LYPD6: variants seen among roughly 807,000 people sequenced by gnomAD.
LYPD6 encodes ly6/PLAUR domain-containing protein 6.
A neutral mutation model predicts 22.7 loss-of-function variants in LYPD6; 15 were observed. The ratio of observed to expected loss-of-function variants is 0.66; its 90% CI spans 0.44 to 1.02. The LOEUF (loss-of-function observed/expected upper bound fraction) is 1.02, where lower values mean the gene tolerates loss of function less well. LYPD6 is among the 50% of genes least tolerant of loss of function. The pLI is 0.00. For synonymous variants in LYPD6, 72 were observed against 77.5 expected, an observed-to-expected ratio of 0.93 and a Z score of 0.37; for missense variants, 189 against 208.4, an observed-to-expected ratio of 0.91 and a Z score of 0.57.
intron 1 of LYPD6, among the ~76,000 whole-genome samples, chr2:149,398,411 C>T (rs1682473036): frequency 1.1e-5 from 1 of 90,300 alleles, no homozygotes; most frequent in Admixed American, 1.2e-4. Context: ...GCAAAGATGG[C>T]TTTGTGTGTG....
chr2:149,455,601 C>A (rs544780575), intron 3 of LYPD6, among the ~76,000 whole-genome samples: 15 of 152,232 alleles, frequency 9.9e-5, no homozygotes, highest in Middle Eastern at 3.4e-3. Flanking sequence ...CCATACAAGA[C>A]TTTTTTTCGT....
intron 4 of LYPD6, 28 bp downstream of exon 4, chr2:149,468,803 AC>A (rs778568760): frequency 6.2e-6 from 10 of 1,610,744 alleles, no homozygotes; most frequent in Non-Finnish European, 8.5e-6. Context: ...AGTGACCAGT[AC>A]TACATAGCCA....
At chr2:149,437,930 CG>C in intron 2 of LYPD6, 104 bp downstream of exon 2, 1 of 1,207,130 alleles carries the variant, frequency 8.3e-7, no homozygotes, top group East Asian at 2.4e-5. Flanking sequence ...GAAAACCTCC[CG>C]TGATTTAACT....
chr2:149,357,461 C>T (rs1362048580), intron 1 of LYPD6, among the ~76,000 whole-genome samples: 1 of 152,176 alleles, frequency 6.6e-6, no homozygotes, highest in African/African-American at 2.4e-5. Flanking sequence ...CAGTAATGAT[C>T]ATATTCCCTG....
intron 3 of LYPD6, among the ~76,000 whole-genome samples, chr2:149,461,094 A>C (rs1253821889): frequency 6.6e-6 from 1 of 152,042 alleles, no homozygotes; most frequent in Non-Finnish European, 1.5e-5. Flanking sequence ...CCAAAAGTCA[A>C]ACAAAGCAAG....
chr2:149,399,281 T>C (rs1682499556), intron 1 of LYPD6, among the ~76,000 whole-genome samples: 1 of 152,218 alleles, frequency 6.6e-6, no homozygotes, highest in Non-Finnish European at 1.5e-5. Context: ...CAAAAATATT[T>C]TCATATAATA....
At chr2:149,369,846 C>A (rs1030114773) in intron 1 of LYPD6, among the ~76,000 whole-genome samples, 1 of 151,722 alleles carries the variant, frequency 6.6e-6, no homozygotes, top group Non-Finnish European at 1.5e-5. Flanking sequence ...TTCATTTAGA[C>A]GGGTAAGGCA....
intron 1 of LYPD6, among the ~76,000 whole-genome samples, chr2:149,331,258 C>A (rs918757465): frequency 2.6e-5 from 4 of 152,196 alleles, no homozygotes; most frequent in East Asian, 1.9e-4. Context: ...TTTCAGCCAT[C>A]CACCCCGACA....
intron 1 of LYPD6, among the ~76,000 whole-genome samples, chr2:149,421,305 G>A (rs566577776): frequency 8.7e-5 from 13 of 148,758 alleles, no homozygotes; most frequent in African/African-American, 2.7e-4. Flanking sequence ...CAAGAGAATT[G>A]CTTGAACTTG....
Position 149,471,690 on chromosome 2 carries a change from T to G in LYPD6, c.*840T>G, listed in dbSNP as rs1031764156. 1 of 152,494 alleles carries G rather than the reference T, an allele frequency of 6.6e-6. No homozygotes were observed. The highest frequency in any genetic ancestry group is 2.4e-5 in the African/African-American group (1 of 41,422). 9.4% of individuals were successfully genotyped at this position (152,494 alleles called of 1,614,324 possible). A position where few individuals can be genotyped will look rare whatever the true frequency, so the allele number is the denominator to read the frequency against. On this transcript the variant is annotated 3_prime_UTR_variant, in exon 5 of 5. Coordinates refer to ENST00000334166, the MANE Select transcript of LYPD6 (RefSeq NM_194317.5). ...AGGATGGAGTTGTTTTCCCCAGATA[T>G]GGGGTTCTATTCAGCCATAGATAAT... is the stretch of plus-strand genomic sequence containing the variant.
intron 1 of LYPD6, chr2:149,370,597 G>A (rs1472970343): frequency 6.6e-6 from 1 of 152,102 alleles, no homozygotes; most frequent in Non-Finnish European, 1.5e-5. Flanking sequence ...CCTGATCTTG[G>A]AATTCCCACC....
Position 149,473,465 on chromosome 2 carries a change from G to A in LYPD6, c.*2615G>A, listed in dbSNP as rs1036417690. The A allele has an allele frequency of 6.6e-6, 1 of 152,602 alleles. No individual in the cohort carries two copies. The highest frequency in any genetic ancestry group is 2.4e-5 in the African/African-American group (1 of 41,448). The allele number at this position is 152,602 out of a possible 1,614,324, so 9.5% of individuals were successfully genotyped here. On this transcript the variant is annotated 3_prime_UTR_variant, in exon 5 of 5. Coordinates refer to ENST00000334166, the MANE Select transcript of LYPD6 (RefSeq NM_194317.5). ...AATTCTCCATTACATCTCAATATTGGTAATGGCTTAAGTGTAAAGAGCCAT... is the reference window on the plus strand; with the variant it reads ...AATTCTCCATTACATCTCAATATTGATAATGGCTTAAGTGTAAAGAGCCAT...
At chr2:149,364,849 A>G (rs1314323508) in intron 1 of LYPD6, among the ~76,000 whole-genome samples, 1 of 152,174 alleles carries the variant, frequency 6.6e-6, no homozygotes. Context: ...GTCATTGTTC[A>G]CTTACTCTGT....
intron 3 of LYPD6, among the ~76,000 whole-genome samples, chr2:149,450,097 C>T (rs992804090): frequency 1.3e-5 from 2 of 152,184 alleles, no homozygotes; most frequent in East Asian, 1.9e-4. Context: ...ACCCAGGAGC[C>T]TCCACTCCAC....
chr2:149,417,049 G>C (rs1682980060), intron 1 of LYPD6, among the ~76,000 whole-genome samples: 1 of 152,166 alleles, frequency 6.6e-6, no homozygotes, highest in Admixed American at 6.5e-5. Context: ...CTGGGGCTCT[G>C]CTGGGTGTGA....
chr2:149,468,594 G>A (rs1681258560), intron 3 of LYPD6, 51 bp from the exon 4 acceptor site: 3 of 1,587,984 alleles, frequency 1.9e-6, no homozygotes, highest in Admixed American at 3.4e-5. Context: ...TTTCCTTTTA[G>A]GCAGGTTTGG....
chr2:149,355,305 G>C (rs1297383454), intron 1 of LYPD6, among the ~76,000 whole-genome samples: 1 of 152,146 alleles, frequency 6.6e-6, no homozygotes, highest in Non-Finnish European at 1.5e-5. Context: ...AGTTTACACT[G>C]ATATGATTGG....
chr2:149,337,079 G>C (rs1467968959), intron 1 of LYPD6, among the ~76,000 whole-genome samples: 1 of 152,074 alleles, frequency 6.6e-6, no homozygotes, highest in East Asian at 1.9e-4. Context: ...AGGATTTGAA[G>C]AACAAAGTTA....
intron 1 of LYPD6, among the ~76,000 whole-genome samples, chr2:149,425,393 C>T (rs1019330758): frequency 6.6e-6 from 1 of 152,140 alleles, no homozygotes; most frequent in Non-Finnish European, 1.5e-5. Context: ...ATGTATATAA[C>T]AGATACTGTT....
Sources: gnomAD v4.1 joint callset for allele counts (sites outside exome capture counted in the v4.1 genomes callset) on GRCh38, gnomAD v4.1.1 for gene constraint, MANE v1.5 for transcripts, NCBI Gene and HGNC (gene_info 2026-07-23, HGNC 2026-07-21) for gene names.